The following ANK2 variants were observed in gnomAD, a reference collection of about 807,000 sequenced individuals.
The protein encoded by ANK2 is ankyrin 2.
A neutral mutation model predicts 360.5 loss-of-function variants in ANK2; 83 were observed. The ratio of observed to expected loss-of-function variants is 0.23; its 90% CI spans 0.19 to 0.28. The LOEUF (loss-of-function observed/expected upper bound fraction) is 0.28. ANK2 is among the 10% of genes least tolerant of loss of function. The pLI is 1.00. For synonymous variants in ANK2, 1,740 were observed against 1,759.5 expected (o/e 0.99, Z 0.28); for missense variants, 4,201 against 4,795.7 (o/e 0.88, Z 3.66).
chr4:112,846,732 A>G (rs2063399250), intron 1 of ANK2, among the ~76,000 whole-genome samples: 2 of 151,906 alleles, frequency 1.3e-5, no homozygotes, highest in Non-Finnish European at 2.9e-5. Flanking sequence ...TCATGTTTCA[A>G]TATATGTTGA....
the ANK2 span, chr4:112,738,542 G>A: frequency 5.1e-6 from 2 of 388,412 alleles, no homozygotes; most frequent in Admixed American, 3.5e-5. Context: ...GCTGTATGCT[G>A]CAGGTAGCTA....
chr4:112,954,530 T>G (rs2095241918), intron 2 of ANK2, among the ~76,000 whole-genome samples: 1 of 152,186 alleles, frequency 6.6e-6, no homozygotes, highest in Non-Finnish European at 1.5e-5. Context: ...AGACAGATGG[T>G]GGCTTTTGGG....
In ANK2 at chr4:113,356,786, A is replaced by G; in HGVS notation, c.8168A>G (p.Asn2723Ser). Residue 2723 changes from asparagine to serine, a missense_variant, in exon 38 of 46, where the codon AAT becomes AGT. Physicochemically the swap from Asn to Ser is conservative, Grantham distance 46. Around this residue, in one of 4 missense-constraint regions of ANK2, gnomAD observed 2,642 missense variants for 2,714.5 expected, o/e 0.97. Coordinates refer to ENST00000357077, the MANE Select transcript of ANK2 (RefSeq NM_001148.6). ...VVSKQYTFKM[N>S]EDTQEEPGKS... is the part of the protein sequence containing the mutation. The stretch of plus-strand genomic sequence containing the variant: ...TCCAAACAATATACTTTCAAGATGA[A>G]TGAAGATACTCAGGAAGAGCCAGGC... The G allele has an allele frequency of 1.9e-6, 3 of 1,614,140 alleles. No individual in the cohort carries two copies. The highest frequency in any genetic ancestry group is 1.7e-6 in the Non-Finnish European group (2 of 1,179,988).
intron 4 of ANK2, among the ~76,000 whole-genome samples, chr4:113,200,872 C>T (rs561002708): frequency 1.2e-3 from 182 of 149,442 alleles, no homozygotes; most frequent in African/African-American, 4.2e-3. Flanking sequence ...GAACATCACA[C>T]GCCGGGGCCT....
the ANK2 span, among the ~76,000 whole-genome samples, chr4:112,740,967 G>A: frequency 2.0e-5 from 3 of 151,836 alleles, no homozygotes; most frequent in African/African-American, 7.3e-5. Context: ...TCCAGCCTGG[G>A]TGACAGGGTG....
chr4:112,875,417 A>T (rs1268727719), intron 1 of ANK2, among the ~76,000 whole-genome samples: 3 of 152,060 alleles, frequency 2.0e-5, no homozygotes, highest in Non-Finnish European at 4.4e-5. Flanking sequence ...GGTTCAAGTG[A>T]TCCTCCTGGC....
At chr4:113,321,980 C>A (rs1474597691) in intron 26 of ANK2, among the ~76,000 whole-genome samples, 1 of 152,178 alleles carries the variant, frequency 6.6e-6, no homozygotes, top group African/African-American at 2.4e-5. Flanking sequence ...GATTCACCTG[C>A]CTTGGCCTCC....
At chr4:113,155,674 A>T (rs570821681) in intron 1 of ANK2, among the ~76,000 whole-genome samples, 1 of 152,306 alleles carries the variant, frequency 6.6e-6, no homozygotes, top group Admixed American at 6.5e-5. Flanking sequence ...CAATGGAATA[A>T]GAATCTAAAA....
At chr4:112,904,373 G>T in intron 1 of ANK2, 1 of 832,104 alleles carries the variant, frequency 1.2e-6, no homozygotes, top group Non-Finnish European at 1.8e-6. Context: ...AGCTTATTTT[G>T]ATTTGAAATA....
intron 2 of ANK2, among the ~76,000 whole-genome samples, chr4:113,022,881 A>T (rs892982501): frequency 6.6e-6 from 1 of 152,184 alleles, no homozygotes; most frequent in East Asian, 1.9e-4. Flanking sequence ...AAAAGGGGAG[A>T]TGTCTCTATT....
In ANK2 at chr4:113,356,732, C is replaced by T. The variant is rs1564031135; in HGVS notation, c.8114C>T (p.Pro2705Leu). 1.2e-6 allele frequency: 2 copies of T among 1,614,082 alleles called. No individual in the cohort carries two copies. Among genetic ancestry groups the T allele is most frequent in the Non-Finnish European group, 1.7e-6 (2 of 1,179,968 alleles). The part of the protein sequence containing the change: ...LPSSMDSNSS[P>L]EEVQFQPVVS... Reference sequence around the variant, plus strand: ...TCAAGCATGGACTCCAATTCCAGTCCAGAAGAAGTACAATTCCAGCCTGTC... The same window carrying T: ...TCAAGCATGGACTCCAATTCCAGTCTAGAAGAAGTACAATTCCAGCCTGTC... The change falls in exon 38 of 46, where the codon CCA becomes CTA. Residue 2705 changes from proline to leucine, a missense_variant. Pro to Leu is a moderately conservative substitution (Grantham distance 98, BLOSUM62 -3). Around this residue, in one of 4 missense-constraint regions of ANK2, gnomAD observed 2,642 missense variants for 2,714.5 expected, o/e 0.97. Transcript: ENST00000357077.
At chr4:112,772,607 A>C in the ANK2 span, among the ~76,000 whole-genome samples, 1 of 152,220 alleles carries the variant, frequency 6.6e-6, no homozygotes, top group Non-Finnish European at 1.5e-5. Context: ...GAATATCAAG[A>C]AATAGTCTGA....
At chr4:112,903,497 A>G (rs1271263670) in intron 1 of ANK2, among the ~76,000 whole-genome samples, 1 of 152,214 alleles carries the variant, frequency 6.6e-6, no homozygotes, top group Non-Finnish European at 1.5e-5. Context: ...ATGGGCTTGA[A>G]TGTCAGTGAA....
rs560183620 is a variant in ANK2, at chr4:112,986,222, A to G, written c.21+81708A>G. On this transcript the variant is annotated intron_variant, in intron 2 of 30. Coordinates refer to the ANK2 transcript ENST00000503271. Reference sequence around the variant, plus strand: ...AGCTGTGTGATAAATTATAGCTTCTATATATGAACAGCCAAATTTTTTTCT... The same window carrying G: ...AGCTGTGTGATAAATTATAGCTTCTGTATATGAACAGCCAAATTTTTTTCT... 7.2e-5 allele frequency among the ~76,000 whole-genome samples: 11 copies of G among 151,902 alleles called. 1 individual carries two copies. The highest frequency in any genetic ancestry group is 7.2e-4 in the Admixed American group (11 of 15,250).
intron 13 of ANK2, among the ~76,000 whole-genome samples, chr4:113,259,473 A>T (rs2051368410): frequency 6.6e-6 from 1 of 152,142 alleles, no homozygotes; most frequent in African/African-American, 2.4e-5. Context: ...TGTATTTCAC[A>T]CACCATTTCC....
At chr4:112,716,144 C>T in the ANK2 span, among the ~76,000 whole-genome samples, 1 of 152,148 alleles carries the variant, frequency 6.6e-6, no homozygotes, top group Non-Finnish European at 1.5e-5. Context: ...TGCACAGCCC[C>T]CCTAGTTCCT....
chr4:113,306,928 C>T (rs2077489977), intron 23 of ANK2, among the ~76,000 whole-genome samples: 1 of 152,294 alleles, frequency 6.6e-6, no homozygotes, highest in East Asian at 1.9e-4. Flanking sequence ...ATTATAGCAT[C>T]CAGATTTAAC....
chr4:112,710,974 G>A, the ANK2 span, among the ~76,000 whole-genome samples: 2 of 146,762 alleles, frequency 1.4e-5, no homozygotes, highest in Non-Finnish European at 3.0e-5. Flanking sequence ...ATTATAAATA[G>A]AGGTGATATT....
At chr4:113,084,027 C>A (rs1166255902) in intron 1 of ANK2, among the ~76,000 whole-genome samples, 18 of 152,034 alleles carry the variant, frequency 1.2e-4, no homozygotes, top group Non-Finnish European at 4.4e-5. Context: ...TGTTCGGGGA[C>A]TCAAGTTTAT....
Sources: allele counts gnomAD v4.1 joint callset (sites outside exome capture counted in the v4.1 genomes callset), GRCh38; gene constraint gnomAD v4.1.1; regional missense constraint gnomAD v4.1.1; transcripts MANE v1.5; gene names NCBI Gene and HGNC (gene_info 2026-07-23, HGNC 2026-07-21).